Variants in CHRDL1 observed in about 807,000 individuals in gnomAD.
CHRDL1 encodes the protein chordin like 1, also known as chordin-like protein 1.
CHRDL1 carries 19 observed loss-of-function variants against 40.9 expected under a neutral mutation model. The observed-to-expected ratio is 0.46, with a 90% CI of 0.32 to 0.68. CHRDL1 has a LOEUF of 0.68. Among genes scored for constraint, CHRDL1 ranks in the 30% least tolerant of loss-of-function variants. The pLI is 0.03. For missense variants in CHRDL1, 329 were observed against 352.1 expected (o/e 0.93, Z 0.53); for synonymous variants, 136 against 123.4 (o/e 1.10, Z -0.68).
intron 6 of CHRDL1, among the ~76,000 whole-genome samples, chrX:110,708,337 C>T (rs2070685225): frequency 9.0e-6 from 1 of 110,742 alleles, no homozygotes; most frequent in African/African-American, 3.3e-5. Flanking sequence ...AAGACACATG[C>T]ACCGGTATGT....
intron 10 of CHRDL1, among the ~76,000 whole-genome samples, chrX:110,681,266 T>C (rs1236172217): frequency 8.9e-6 from 1 of 111,930 alleles, no homozygotes; most frequent in Non-Finnish European, 1.9e-5. Flanking sequence ...ATAGGCAGCT[T>C]TGGAAACCCA....
At chrX:110,701,293 G>C (rs1317332971) in intron 6 of CHRDL1, among the ~76,000 whole-genome samples, 3 of 111,568 alleles carry the variant, frequency 2.7e-5, no homozygotes. Context: ...TAAAAAACAA[G>C]AGGATCATTT....
At chrX:110,679,460 G>A (rs773102338) in intron 10 of CHRDL1, 35 bp from the exon 11 acceptor site, 1 of 964,046 alleles carries the variant, frequency 1.0e-6, no homozygotes, top group Admixed American at 2.2e-5. Flanking sequence ...AAATGGTCAG[G>A]CACTCAATCT....
At chrX:110,685,553 G>A (rs932440412) in intron 9 of CHRDL1, among the ~76,000 whole-genome samples, 1 of 112,028 alleles carries the variant, frequency 8.9e-6, no homozygotes, top group African/African-American at 3.2e-5. Flanking sequence ...ATGGGCCACC[G>A]CACCTGGTCA....
chrX:110,725,455 C>CA (rs1294222466), intron 4 of CHRDL1, among the ~76,000 whole-genome samples: 1 of 102,686 alleles, frequency 9.7e-6, no homozygotes, highest in African/African-American at 3.5e-5. Context: ...TGCCACAGGC[C>CA]TTTTTTTTTT....
chrX:110,676,235 C>A lies in CHRDL1; in HGVS notation c.1373G>T (p.Cys458Phe), dbSNP rs1474097588. The change falls in exon 12 of 12, where the codon TGT becomes TTT. Residue 458 changes from cysteine to phenylalanine, a missense_variant. By Grantham distance (205) the Cys-to-Phe change is radical. Transcript: ENST00000372042. ...LYLERSEKGH[C>F] is the part of the protein sequence containing the mutation. ...ATCCAATACTGTCTGTCTTGCCTAA[C>A]AGTGGCCCTTTTCAGATCTCTCCAG... The A allele has an allele frequency of 8.3e-7, 1 of 1,207,933 alleles. No individual in the cohort carries two copies. The highest frequency in any genetic ancestry group is 3.0e-5 in the East Asian group (1 of 33,740).
chrX:110,789,911 A>C (rs1178430449), intron 2 of CHRDL1, among the ~76,000 whole-genome samples: 1 of 111,844 alleles, frequency 8.9e-6, no homozygotes, highest in Non-Finnish European at 1.9e-5. Flanking sequence ...AGCATTTCCC[A>C]GGGCCACCAA....
intron 6 of CHRDL1, among the ~76,000 whole-genome samples, chrX:110,712,887 A>G (rs1173357019): frequency 9.0e-6 from 1 of 111,519 alleles, no homozygotes; most frequent in African/African-American, 3.3e-5. Context: ...GCCAAAAGAA[A>G]GAAGAGTAAA....
chrX:110,768,629 G>C (rs965224048), intron 2 of CHRDL1, among the ~76,000 whole-genome samples: 3 of 110,940 alleles, frequency 2.7e-5, no homozygotes, highest in Non-Finnish European at 5.7e-5. Flanking sequence ...TTCCATGCTG[G>C]ATGCTTCCTG....
chrX:110,703,748 C>A (rs1193033918), intron 6 of CHRDL1, among the ~76,000 whole-genome samples: 2 of 111,892 alleles, frequency 1.8e-5, no homozygotes, highest in African/African-American at 6.5e-5. Flanking sequence ...CCTGAAAGAA[C>A]CATTAAGTCA....
At chrX:110,746,161 A>G (rs1269612426) in intron 4 of CHRDL1, among the ~76,000 whole-genome samples, 2 of 111,329 alleles carry the variant, frequency 1.8e-5, no homozygotes, top group Non-Finnish European at 3.8e-5. Flanking sequence ...AAGTAACACT[A>G]CAGCAATGGC....
chrX:110,734,056 C>G (rs2071220082), intron 4 of CHRDL1, among the ~76,000 whole-genome samples: 1 of 109,130 alleles, frequency 9.2e-6, no homozygotes, highest in South Asian at 4.1e-4. Flanking sequence ...ATATGCATAT[C>G]TAGAGGCAAG....
intron 8 of CHRDL1, among the ~76,000 whole-genome samples, chrX:110,690,623 A>G (rs2070256560): frequency 9.0e-6 from 1 of 110,872 alleles, no homozygotes; most frequent in Admixed American, 9.7e-5. Context: ...TGTCTGATCC[A>G]CCAACATATA....
chrX:110,758,774 C>T (rs1009358211), intron 4 of CHRDL1, among the ~76,000 whole-genome samples: 1 of 112,054 alleles, frequency 8.9e-6, no homozygotes, highest in Non-Finnish European at 1.9e-5. Context: ...TACAAATATA[C>T]ATAGTTACAC....
intron 7 of CHRDL1, among the ~76,000 whole-genome samples, chrX:110,698,251 G>C (rs889402874): frequency 2.7e-5 from 3 of 111,190 alleles, no homozygotes; most frequent in African/African-American, 9.9e-5. Context: ...GGCTGGTCAA[G>C]AGCAAACAAC....
intron 10 of CHRDL1, 23 bp from the exon 11 acceptor site, chrX:110,679,448 G>C (rs1282691729): frequency 9.4e-7 from 1 of 1,066,165 alleles, no homozygotes; most frequent in Admixed American, 2.2e-5. Flanking sequence ...AAAAAGTGGA[G>C]CAAATGGTCA....
At chrX:110,760,403 T>C (rs1217934294) in intron 3 of CHRDL1, among the ~76,000 whole-genome samples, 1 of 112,554 alleles carries the variant, frequency 8.9e-6, no homozygotes, top group East Asian at 2.8e-4. Context: ...AACAAAGACA[T>C]AGTCTGGAAA....
chrX:110,744,021 T>C (rs1178271895), intron 4 of CHRDL1, among the ~76,000 whole-genome samples: 1 of 112,104 alleles, frequency 8.9e-6, no homozygotes, highest in Non-Finnish European at 1.9e-5. Flanking sequence ...TCATGCCTGA[T>C]TCCTCTAAAG....
At chrX:110,721,073 C>T (rs1000042119) in intron 5 of CHRDL1, among the ~76,000 whole-genome samples, 30 of 111,577 alleles carry the variant, frequency 2.7e-4, no homozygotes, top group African/African-American at 9.8e-4. Flanking sequence ...ATTGTGAGTC[C>T]TTCAGATGGA....
Sources: gnomAD v4.1 joint callset for allele counts (sites outside exome capture counted in the v4.1 genomes callset) on GRCh38, gnomAD v4.1.1 for gene constraint, MANE v1.5 for transcripts, NCBI Gene and HGNC (gene_info 2026-07-23, HGNC 2026-07-21) for gene names.